ZC3H4: variants seen among roughly 807,000 people sequenced by gnomAD.
ZC3H4 encodes the protein zinc finger CCCH domain-containing protein 4.
In ZC3H4, 13 loss-of-function variants were observed where a neutral mutation model predicts 108.3. That is an observed-to-expected ratio of 0.12 (90% confidence interval 0.08 to 0.19). The LOEUF is 0.19. ZC3H4 is among the 10% of genes least tolerant of loss of function. The pLI is 1.00. For missense variants in ZC3H4, 1,734 were observed against 1,838.8 expected (o/e 0.94, Z 1.04); for synonymous variants, 917 against 749.6 (o/e 1.22, Z -3.65).
rs2057168049 is a variant in ZC3H4, at chr19:47,064,326, A to G, written c.*2030T>C. 1 of 152,640 alleles carries G rather than the reference A, an allele frequency of 6.6e-6. No individual in the cohort carries two copies. Among genetic ancestry groups the G allele is most frequent in the Non-Finnish European group, 1.5e-5 (1 of 68,036 alleles). The allele number at this position is 152,640 out of a possible 1,614,324, so 9.5% of individuals were successfully genotyped here. A position where few individuals can be genotyped will look rare whatever the true frequency, so the allele number is the denominator to read the frequency against. On this transcript the variant is annotated 3_prime_UTR_variant, in exon 15 of 15. Coordinates refer to ENST00000253048, the MANE Select transcript of ZC3H4 (RefSeq NM_015168.2). ...GAAATAGTCATGCGGCGATCATTGT[A>G]AAAATACAGTTCATTATATACATAT...
At chr19:47,112,304 C>G in intron 2 of ZC3H4, 120 bp downstream of exon 2, 2 of 658,182 alleles carry the variant, frequency 3.0e-6, no homozygotes, top group South Asian at 7.1e-5. Flanking sequence ...CCCCGCCCTT[C>G]CTCCTCCTCC....
At chr19:47,078,319 C>T (rs2057458343) in intron 11 of ZC3H4, among the ~76,000 whole-genome samples, 1 of 151,868 alleles carries the variant, frequency 6.6e-6, no homozygotes, top group Non-Finnish European at 1.5e-5. Context: ...ACTAAAAATA[C>T]AAAAATTAGC....
At chr19:47,107,063 A>G (rs1392354199) in intron 2 of ZC3H4, among the ~76,000 whole-genome samples, 2 of 152,206 alleles carry the variant, frequency 1.3e-5, no homozygotes, top group Non-Finnish European at 2.9e-5. Context: ...GTCAGCATTA[A>G]GCTCCAGACA....
Position 47,069,133 on chromosome 19 carries a change from C to T in ZC3H4, c.2357G>A (p.Arg786Lys), listed in dbSNP as rs373440831. 1.5e-5 allele frequency: 24 copies of T among 1,605,646 alleles called. No homozygotes were observed. In the African/African-American group the frequency reaches 2.9e-4, roughly 20 times the overall value. Residue 786 changes from arginine (R) to lysine (K), a missense_variant, in exon 14 of 15, where the codon AGG (arginine) becomes AAG (lysine). Physicochemically the swap from Arg to Lys is conservative, Grantham distance 26. This residue lies in a region of ZC3H4 where 540 missense variants were observed against 484.1 expected (regional missense o/e 1.12). Transcript: ENST00000253048. ...GTCCTGCTTGCTGCTCTCAGCCAGC[C>T]TCCTCGCTCTCTCCTCCTCCTCCTG... ...KQQEEEERAR[R>K]LAESSKQDRE...
At chr19:47,086,904 A>T (rs1407855861) in intron 5 of ZC3H4, among the ~76,000 whole-genome samples, 1 of 152,190 alleles carries the variant, frequency 6.6e-6, no homozygotes, top group Non-Finnish European at 1.5e-5. Context: ...CTGACAAGAC[A>T]AGCTAGCCCT....
intron 5 of ZC3H4, among the ~76,000 whole-genome samples, chr19:47,087,437 TA>T (rs34358015): frequency 0.016 from 2,351 of 148,490 alleles, 69 homozygotes; most frequent in African/African-American, 0.054. Context: ...TTTCTTCACT[TA>T]AAAAAAAAAA....
chr19:47,082,272 A>G lies in ZC3H4; in HGVS notation c.1242T>C (p.His414=), dbSNP rs372074329. The change falls in exon 10 of 15, where the codon CAT becomes CAC. Residue 414 remains histidine, a synonymous_variant. Transcript: ENST00000253048. ...CTCGCTTCTTTGGGAGTTCGATGTC[A>G]TGGCTAAAATTACAGTGGTCTCCCT... is the stretch of plus-strand genomic sequence containing the variant. ...CTWGDHCNFS[H]DIELPKKREL... The G allele has an allele frequency of 6.2e-7, 1 of 1,613,952 alleles. No individual in the cohort carries two copies. The highest frequency in any genetic ancestry group is 8.5e-7 in the Non-Finnish European group (1 of 1,179,852).
In ZC3H4 at chr19:47,072,084, G is replaced by A. The variant is rs1350785691; in HGVS notation, c.1840C>T (p.Pro614Ser). The change falls in exon 13 of 15, where the codon CCT becomes TCT. Residue 614 changes from proline to serine, a missense_variant. Physicochemically the swap from Pro to Ser is moderately conservative, Grantham distance 74. Around this residue, in one of 9 missense-constraint regions of ZC3H4, gnomAD observed 540 missense variants for 484.1 expected, o/e 1.12. Transcript: ENST00000253048. This position sits in a 1 kb window ranked among gnomAD's most constrained non-coding sequence, Gnocchi z 5.6. The part of the protein sequence containing the change: ...GPGGPPGPMG[P>S]GPNMGPPGPM... ...CCTGGGGGTCCCATGTTGGGCCCAG[G>A]GCCCATTGGCCCTGGGGGTCCACCG... is the stretch of plus-strand genomic sequence containing the variant. The A allele has an allele frequency of 2.6e-6, 4 of 1,559,672 alleles. No homozygotes were observed. Among genetic ancestry groups the A allele is most frequent in the Non-Finnish European group, 3.5e-6 (4 of 1,156,166 alleles).
At chr19:47,093,810 G>C (rs568348419) in intron 4 of ZC3H4, 160 bp downstream of exon 4, 2 of 544,642 alleles carry the variant, frequency 3.7e-6, no homozygotes, top group Non-Finnish European at 6.3e-6. Flanking sequence ...AATTGTCTAA[G>C]TTTCAGTTTC....
chr19:47,096,641 G>A (rs567449583), intron 2 of ZC3H4, among the ~76,000 whole-genome samples: 8 of 152,326 alleles, frequency 5.3e-5, no homozygotes, highest in African/African-American at 1.7e-4. Flanking sequence ...GAGAAGGCCC[G>A]GGACAGACTG....
Position 47,067,484 on chromosome 19 carries a change from C to A in ZC3H4, c.2784G>T (p.Gly928=), listed in dbSNP as rs918952009. ...SGPPPTEEEE[G]ERALREKAVN... Reference sequence around the variant, plus strand: ...CGGCCTTCTCCCGCAGGGCCCGCTCCCCTTCCTCCTCCTCCGTTGGGGGCG... The same window carrying A: ...CGGCCTTCTCCCGCAGGGCCCGCTCACCTTCCTCCTCCTCCGTTGGGGGCG... The change falls in exon 15 of 15, where the codon GGG becomes GGT. Residue 928 remains glycine, a synonymous_variant. Transcript: ENST00000253048. The surrounding 1 kb of genome is among the most constrained non-coding windows in gnomAD (Gnocchi z 6.4). 1.3e-6 allele frequency: 2 copies of A among 1,582,188 alleles called. No homozygotes were observed. The highest frequency in any genetic ancestry group is 1.7e-6 in the Non-Finnish European group (2 of 1,162,648).
chr19:47,090,753 T>C (rs979588937), intron 4 of ZC3H4, among the ~76,000 whole-genome samples: 10 of 152,194 alleles, frequency 6.6e-5, no homozygotes, highest in African/African-American at 2.4e-4. Flanking sequence ...ACGACGAATA[T>C]GTAACAATAA....
chr19:47,107,287 C>T (rs1326124655), intron 2 of ZC3H4, among the ~76,000 whole-genome samples: 1 of 152,170 alleles, frequency 6.6e-6, no homozygotes, highest in African/African-American at 2.4e-5. Context: ...TCAAATTCTT[C>T]TCTAGTAGGG....
Position 47,072,750 on chromosome 19 carries a change from G to A in ZC3H4, c.1441-37C>T, listed in dbSNP as rs776080824. 1.3e-4 allele frequency: 206 copies of A among 1,609,250 alleles called. No individual in the cohort carries two copies. The highest frequency in any genetic ancestry group is 1.7e-4 in the Non-Finnish European group (200 of 1,179,262). On this transcript the variant is annotated intron_variant, in intron 11 of 14. Transcript: ENST00000253048. The surrounding 1 kb of genome is among the most constrained non-coding windows in gnomAD (Gnocchi z 5.6). ...AAAGAACAAAAGAAGGTGTGGACGGGGTCAGGATGGAAACGGACCTCTCCA... is the reference window on the plus strand; with the variant it reads ...AAAGAACAAAAGAAGGTGTGGACGGAGTCAGGATGGAAACGGACCTCTCCA...
Position 47,067,348 on chromosome 19 carries a change from C to A in ZC3H4, c.2920G>T (p.Ala974Ser), listed in dbSNP as rs759806998. The change falls in exon 15 of 15, where the codon GCC becomes TCC. Residue 974 changes from alanine (A) to serine (S), a missense_variant. By Grantham distance (99) the Ala-to-Ser change is moderately conservative. Around this residue, in one of 9 missense-constraint regions of ZC3H4, gnomAD observed 518 missense variants for 499.6 expected, o/e 1.04. Coordinates refer to ENST00000253048, the MANE Select transcript of ZC3H4 (RefSeq NM_015168.2). The surrounding 1 kb of genome is among the most constrained non-coding windows in gnomAD (Gnocchi z 6.4). ...KDVTLSKPSF[A>S]RTVLWNPEDL... ...TCGGGATTCCAGAGCACGGTGCGGG[C>A]GAAGCTGGGCTTGCTCAGGGTCACG... 6.2e-5 allele frequency: 100 copies of A among 1,602,784 alleles called. No homozygotes were observed. Among genetic ancestry groups the A allele is most frequent in the East Asian group, 1.1e-4 (5 of 44,740 alleles).
chr19:47,086,627 A>G, intron 5 of ZC3H4, 89 bp from the exon 6 acceptor site: 1 of 1,467,186 alleles, frequency 6.8e-7, no homozygotes, highest in South Asian at 1.4e-5. Context: ...CCTGAGGTCA[A>G]TCACTTCAGC....
At chr19:47,080,846 A>C (rs182437715) in intron 11 of ZC3H4, among the ~76,000 whole-genome samples, 24 of 152,208 alleles carry the variant, frequency 1.6e-4, no homozygotes, top group Non-Finnish European at 2.6e-4. Flanking sequence ...TTGGCCAGGC[A>C]GGTCTTGAGA....
chr19:47,079,063 CT>C, intron 11 of ZC3H4, among the ~76,000 whole-genome samples: 1 of 147,034 alleles, frequency 6.8e-6, no homozygotes, highest in East Asian at 2.1e-4. Context: ...GAGTCTCGCT[CT>C]TGTTGCCCAG....
At chr19:47,095,559 A>C (rs189495824) in intron 2 of ZC3H4, among the ~76,000 whole-genome samples, 1 of 152,138 alleles carries the variant, frequency 6.6e-6, no homozygotes, top group East Asian at 1.9e-4. Context: ...GTGTCACCCC[A>C]ATCTCCAGGA....
Sources: gnomAD v4.1 joint callset for allele counts (sites outside exome capture counted in the v4.1 genomes callset) on GRCh38, gnomAD v4.1.1 for gene constraint, gnomAD v4.1.1 regional missense constraint, Gnocchi (gnomAD v3.1) non-coding constraint, MANE v1.5 for transcripts, NCBI Gene and HGNC (gene_info 2026-07-23, HGNC 2026-07-21) for gene names.